The following PHLDB2 variants were observed in gnomAD, a reference collection of about 807,000 sequenced individuals.
The protein encoded by PHLDB2 is pleckstrin homology like domain family B member 2.
A neutral mutation model predicts 123.6 loss-of-function variants in PHLDB2; 71 were observed. That is an observed-to-expected ratio of 0.57 (90% CI 0.47 to 0.70). The LOEUF (loss-of-function observed/expected upper bound fraction) is 0.70. Ranked by LOEUF, PHLDB2 falls within the 30% of genes least tolerant of loss-of-function variation. PHLDB2 has a pLI of 0.00. For missense variants in PHLDB2, 1,446 were observed against 1,519.5 expected (o/e 0.95, Z 0.80); for synonymous variants, 547 against 541.6 (o/e 1.01, Z -0.14).
chr3:111,896,358 GC>G (rs1181468891), intron 2 of PHLDB2, among the ~76,000 whole-genome samples: 2 of 64,968 alleles, frequency 3.1e-5, no homozygotes, highest in Non-Finnish European at 6.9e-5. Flanking sequence ...TTCTTCCCCC[GC>G]CCCGAGACGG....
chr3:111,734,072 A>G (rs2107897701), intron 1 of PHLDB2, among the ~76,000 whole-genome samples: 1 of 152,324 alleles, frequency 6.6e-6, no homozygotes, highest in East Asian at 1.9e-4. Context: ...AGTGGAGGCC[A>G]TTGTAGACAT....
At chr3:111,945,833 T>A (rs1217348775) in intron 9 of PHLDB2, among the ~76,000 whole-genome samples, 1 of 152,056 alleles carries the variant, frequency 6.6e-6, no homozygotes, top group African/African-American at 2.4e-5. Flanking sequence ...CCCGCAACTG[T>A]TGTTTCTGCC....
At chr3:111,939,055 T>G (rs66587713) in intron 6 of PHLDB2, among the ~76,000 whole-genome samples, 27,448 of 151,994 alleles carry the variant, frequency 0.18, 2,703 homozygotes, top group South Asian at 0.22. Context: ...TGATCCCCCC[T>G]CCTCAGCCTC....
chr3:111,949,741 G>A (rs375126511), intron 10 of PHLDB2: 20 of 985,428 alleles, frequency 2.0e-5, no homozygotes, highest in Non-Finnish European at 2.3e-5. Flanking sequence ...GTTTCCTTCC[G>A]CTCTTTCTCC....
At chr3:111,859,765 G>C (rs940328470) in intron 1 of PHLDB2, 189 bp downstream of exon 1, 4 of 985,346 alleles carry the variant, frequency 4.1e-6, no homozygotes, top group Admixed American at 6.2e-5. Context: ...TGCTCACCGC[G>C]AGTCAGGAGG....
chr3:111,743,179 A>T (rs1451782878), intron 1 of PHLDB2, among the ~76,000 whole-genome samples: 1 of 152,210 alleles, frequency 6.6e-6, no homozygotes, highest in Non-Finnish European at 1.5e-5. Flanking sequence ...TATCCTAAGG[A>T]GGTGAAATTA....
chr3:111,967,727 G>T lies in PHLDB2; in HGVS notation c.3218G>T (p.Arg1073Leu), dbSNP rs760217569. 8 of 1,612,450 alleles carry T rather than the reference G, an allele frequency of 5.0e-6. No individual in the cohort carries two copies. Among genetic ancestry groups the T allele is most frequent in the Non-Finnish European group, 6.8e-6 (8 of 1,179,504 alleles). Residue 1073 changes from arginine to leucine, a missense_variant, in exon 15 of 18, where the codon CGC becomes CTC. Arg to Leu is a moderately radical substitution (Grantham distance 102). Transcript: ENST00000431670. ...CGAGCCCTGGAAGAAGAAAAACGAC[G>T]CCGGGAAATCCTGGAAAAACGATTA... Reference protein sequence around the residue: ...KKRALEEEKRRREILEKRLQE... With the variant: ...KKRALEEEKRLREILEKRLQE...
intron 5 of PHLDB2, among the ~76,000 whole-genome samples, chr3:111,927,105 G>A (rs1005473816): frequency 2.0e-5 from 3 of 152,166 alleles, no homozygotes; most frequent in Non-Finnish European, 4.4e-5. Flanking sequence ...AATGATTATG[G>A]GCCTAAAATA....
chr3:111,930,815 G>A (rs1482398702), intron 5 of PHLDB2, among the ~76,000 whole-genome samples: 1 of 152,190 alleles, frequency 6.6e-6, no homozygotes, highest in African/African-American at 2.4e-5. Context: ...AAACTTTTAA[G>A]TTGTTACAGA....
chr3:111,884,175 A>C lies in PHLDB2; in HGVS notation c.98A>C (p.Asn33Thr). Residue 33 changes from asparagine (N) to threonine (T), a missense_variant, in exon 2 of 18, where the codon AAC becomes ACC. By Grantham distance (65) the Asn-to-Thr change is moderately conservative (BLOSUM62 0). Coordinates refer to ENST00000431670, the MANE Select transcript of PHLDB2 (RefSeq NM_001134438.2). ...CATTCTGTTGAGAACGATTCCCAAA[A>C]CATGATGGAGAGCCTCAGCCCAAAG... ...VVHSVENDSQ[N>T]MMESLSPKKY... is the part of the protein sequence containing the mutation. The C allele has an allele frequency of 6.2e-7, 1 of 1,614,174 alleles. No individual in the cohort carries two copies. Among genetic ancestry groups the C allele is most frequent in the Non-Finnish European group, 8.5e-7 (1 of 1,180,010 alleles).
chr3:111,934,287 A>G (rs1321822797), intron 6 of PHLDB2, among the ~76,000 whole-genome samples: 2 of 152,124 alleles, frequency 1.3e-5, no homozygotes, highest in Non-Finnish European at 2.9e-5. Flanking sequence ...TTAATCAGTA[A>G]AAAGTTCACT....
chr3:111,824,847 AG>A lies in PHLDB2; in HGVS notation c.-48-20973del, dbSNP rs146138347. ...TTTTAAAGTATGTACTCTGTGGAAA[AG>A]CAACTGATAATTGCCTTTTTTAGTT... is the stretch of plus-strand genomic sequence containing the variant. On this transcript the variant is annotated intron_variant, in intron 1 of 17. Coordinates refer to the PHLDB2 transcript ENST00000393923. 4.7e-3 allele frequency among the ~76,000 whole-genome samples: 714 copies of A among 152,334 alleles called. 6 individuals are homozygous for A. Among genetic ancestry groups the A allele is most frequent in the African/African-American group, 0.017 (690 of 41,576 alleles).
At chr3:111,898,403 G>A (rs142839039) in intron 2 of PHLDB2, among the ~76,000 whole-genome samples, 4,439 of 151,990 alleles carry the variant, frequency 0.029, 129 homozygotes, top group South Asian at 0.099. Flanking sequence ...GGCTCGTCTC[G>A]AACTCCTGAT....
chr3:111,796,442 T>C (rs1247178041), intron 1 of PHLDB2, among the ~76,000 whole-genome samples: 1 of 152,228 alleles, frequency 6.6e-6, no homozygotes, highest in Non-Finnish European at 1.5e-5. Flanking sequence ...CTAATTCTGG[T>C]AATTCTCTAT....
intron 16 of PHLDB2, among the ~76,000 whole-genome samples, chr3:111,970,347 A>G (rs2072085163): frequency 6.6e-6 from 1 of 152,110 alleles, no homozygotes; most frequent in African/African-American, 2.4e-5. Context: ...CAGAAAAAAT[A>G]TTGCCTTTCA....
chr3:111,866,594 C>G (rs2065094561), intron 1 of PHLDB2, among the ~76,000 whole-genome samples: 1 of 152,172 alleles, frequency 6.6e-6, no homozygotes, highest in Admixed American at 6.5e-5. Context: ...CCCATACACT[C>G]TCCTCAGCTT....
chr3:111,892,066 GC>G (rs1217047322), intron 2 of PHLDB2, among the ~76,000 whole-genome samples: 3 of 152,140 alleles, frequency 2.0e-5, no homozygotes, highest in African/African-American at 7.2e-5. Flanking sequence ...TTAGAACTAT[GC>G]AGGGCCACAT....
At chr3:111,859,005 T>C (rs752085722), upstream of PHLDB2, among the ~76,000 whole-genome samples, 1 of 152,160 alleles carries the variant, frequency 6.6e-6, no homozygotes, top group Non-Finnish European at 1.5e-5. Flanking sequence ...TTTCAAGAGA[T>C]ATGATTGCAA....
chr3:111,945,129 TTGAC>T, intron 8 of PHLDB2, 135 bp from the exon 9 acceptor site: 1 of 648,320 alleles, frequency 1.5e-6, no homozygotes. Flanking sequence ...ATTTGAAATT[TTGAC>T]TGAGTATGAT....
Sources: gnomAD v4.1 joint callset for allele counts (sites outside exome capture counted in the v4.1 genomes callset) on GRCh38, gnomAD v4.1.1 for gene constraint, MANE v1.5 for transcripts, NCBI Gene and HGNC (gene_info 2026-07-23, HGNC 2026-07-21) for gene names.